The following NR6A1 variants were observed in gnomAD, a reference collection of about 807,000 sequenced individuals.
The protein encoded by NR6A1 is nuclear receptor subfamily 6 group A member 1.
In NR6A1, 7 loss-of-function variants were observed where a neutral mutation model predicts 59.1. The ratio of observed to expected loss-of-function variants is 0.12; its 90% CI spans 0.07 to 0.22. The LOEUF is 0.22. Among genes scored for constraint, NR6A1 ranks in the 10% least tolerant of loss-of-function variants. The pLI, the probability that NR6A1 is intolerant of heterozygous loss-of-function variation, is 1.00. For missense variants in NR6A1, 468 were observed against 611.6 expected, an observed-to-expected ratio of 0.77 and a Z score of 2.48; for synonymous variants, 243 against 236.1, an observed-to-expected ratio of 1.03 and a Z score of -0.27.
chr9:124,584,853 A>C (rs1834877138), intron 2 of NR6A1, among the ~76,000 whole-genome samples: 1 of 152,214 alleles, frequency 6.6e-6, no homozygotes, highest in Non-Finnish European at 1.5e-5. Flanking sequence ...GAAATCGTTA[A>C]GCTTAATGAG....
At chr9:124,647,889 G>T (rs991961587) in intron 2 of NR6A1, among the ~76,000 whole-genome samples, 2 of 152,034 alleles carry the variant, frequency 1.3e-5, no homozygotes, top group Non-Finnish European at 2.9e-5. Context: ...AACACTTAAA[G>T]AACTAATACC....
chr9:124,654,714 C>A (rs762333781), intron 2 of NR6A1, among the ~76,000 whole-genome samples: 1 of 152,160 alleles, frequency 6.6e-6, no homozygotes, highest in Non-Finnish European at 1.5e-5. Flanking sequence ...CATCACCACA[C>A]TACCCTATTT....
intron 3 of NR6A1, 148 bp from the exon 4 acceptor site, chr9:124,544,005 C>T (rs1588653553): frequency 1.5e-6 from 1 of 689,014 alleles, no homozygotes; most frequent in South Asian, 1.9e-5. Flanking sequence ...CCAAAGCACA[C>T]AATTCTTTCT....
intron 2 of NR6A1, among the ~76,000 whole-genome samples, chr9:124,558,725 C>G (rs979281520): frequency 6.6e-6 from 1 of 152,064 alleles, no homozygotes; most frequent in Admixed American, 6.6e-5. Context: ...AAGCTGGAAG[C>G]CTCAAAAGTC....
chr9:124,630,852 A>G (rs891217367), intron 2 of NR6A1, among the ~76,000 whole-genome samples: 1 of 149,828 alleles, frequency 6.7e-6, no homozygotes, highest in Non-Finnish European at 1.5e-5. Flanking sequence ...CTGATTTTGT[A>G]TTTTTAGTAG....
chr9:124,659,308 G>A (rs1837356933), intron 2 of NR6A1, among the ~76,000 whole-genome samples: 1 of 152,208 alleles, frequency 6.6e-6, no homozygotes, highest in African/African-American at 2.4e-5. Flanking sequence ...TAGGGACATG[G>A]ATGTGTGAGG....
At chr9:124,590,092 C>CAAAAAAAAAAAAAAAAA (rs1327869115) in intron 2 of NR6A1, among the ~76,000 whole-genome samples, 4 of 64,810 alleles carry the variant, frequency 6.2e-5, no homozygotes, top group African/African-American at 2.0e-4. Context: ...AAAAAAAAAG[C>CAAAAAAAAAAAAAAAAA]AAAGCTAGTC....
At chr9:124,764,154 A>C (rs1408209576) in intron 1 of NR6A1, among the ~76,000 whole-genome samples, 6 of 151,790 alleles carry the variant, frequency 4.0e-5, no homozygotes, top group African/African-American at 1.2e-4. Flanking sequence ...GCTGCACTCC[A>C]GCCTGGGCAA....
chr9:124,545,891 A>C (rs758310340), intron 3 of NR6A1, among the ~76,000 whole-genome samples: 1 of 152,218 alleles, frequency 6.6e-6, no homozygotes, highest in Non-Finnish European at 1.5e-5. Flanking sequence ...TGAGGAGGGC[A>C]GATCACCTGA....
intron 2 of NR6A1, chr9:124,598,998 C>T: frequency 1.4e-6 from 1 of 737,754 alleles, no homozygotes; most frequent in Non-Finnish European, 2.5e-6. Context: ...TAGTGGTTGG[C>T]ACAAATCTTC....
intron 2 of NR6A1, among the ~76,000 whole-genome samples, chr9:124,702,632 T>C (rs975597098): frequency 2.6e-5 from 4 of 152,064 alleles, no homozygotes; most frequent in Non-Finnish European, 4.4e-5. Flanking sequence ...GTTCTTGTTT[T>C]ATTAGTTCAC....
chr9:124,619,263 TA>T (rs201705608), intron 2 of NR6A1, among the ~76,000 whole-genome samples: 68 of 151,554 alleles, frequency 4.5e-4, no homozygotes, highest in African/African-American at 8.7e-4. Flanking sequence ...TAATTTTAAT[TA>T]AAAAAAAAAT....
At chr9:124,584,069 G>A (rs1834849149) in intron 2 of NR6A1, among the ~76,000 whole-genome samples, 1 of 151,114 alleles carries the variant, frequency 6.6e-6, no homozygotes. Context: ...AACAGTGCAT[G>A]AGCATACATC....
intron 1 of NR6A1, among the ~76,000 whole-genome samples, chr9:124,760,206 A>G (rs1396360946): frequency 1.3e-5 from 2 of 151,674 alleles, no homozygotes; most frequent in East Asian, 1.9e-4. Flanking sequence ...CAGCTGCTCC[A>G]GGGGCTGAAG....
intron 2 of NR6A1, among the ~76,000 whole-genome samples, chr9:124,714,896 G>A (rs144272007): frequency 2.6e-5 from 4 of 152,162 alleles, no homozygotes; most frequent in Admixed American, 1.3e-4. Flanking sequence ...CACTGACTTC[G>A]TAGATTAGAA....
Position 124,556,800 on chromosome 9 carries a change from A to C in NR6A1, c.143-2230T>G, listed in dbSNP as rs147436800. Among the ~76,000 whole-genome samples, 838 of 152,034 alleles carry C rather than the reference A, an allele frequency of 5.5e-3. 7 individuals are homozygous for C. Among genetic ancestry groups the C allele is most frequent in the African/African-American group, 0.019 (796 of 41,474 alleles). ...TGGCTTCTCTTCCAGTAAGAGAGTA[A>C]ATTTTTGTTGTTTTCAGGCACTGAG... is the stretch of plus-strand genomic sequence containing the variant. On this transcript the variant is annotated intron_variant, in intron 2 of 9. Transcript: ENST00000487099.
At chr9:124,747,099 A>G (rs958288925) in intron 1 of NR6A1, among the ~76,000 whole-genome samples, 15 of 152,102 alleles carry the variant, frequency 9.9e-5, no homozygotes, top group African/African-American at 3.4e-4. Flanking sequence ...TCAGCCATAC[A>G]TATCTTTTGG....
chr9:124,652,156 T>C (rs113716245), intron 2 of NR6A1, among the ~76,000 whole-genome samples: 3 of 152,310 alleles, frequency 2.0e-5, no homozygotes, highest in African/African-American at 7.2e-5. Context: ...GAGGTAGGTA[T>C]TCCAGGCAAA....
intron 1 of NR6A1, among the ~76,000 whole-genome samples, chr9:124,741,861 A>C (rs567158934): frequency 6.6e-6 from 1 of 152,174 alleles, no homozygotes; most frequent in Non-Finnish European, 1.5e-5. Context: ...GTACTCAATG[A>C]TATGATGCAC....
Sources: allele counts gnomAD v4.1 joint callset (sites outside exome capture counted in the v4.1 genomes callset), GRCh38; gene constraint gnomAD v4.1.1; transcripts MANE v1.5; gene names NCBI Gene and HGNC (gene_info 2026-07-23, HGNC 2026-07-21).